The following CHODL variants were observed in gnomAD, a reference collection of about 807,000 sequenced individuals.
CHODL encodes chondrolectin.
CHODL carries 29 observed loss-of-function variants against 34.5 expected under a neutral mutation model. The observed-to-expected ratio is 0.84, with a 90% CI of 0.63 to 1.15. The LOEUF is 1.15. CHODL is among the 50% of genes most tolerant of loss of function. The probability of loss-of-function intolerance (pLI) is 0.00; values close to 1 mark genes in which losing one functional copy is unlikely to be tolerated. For synonymous variants in CHODL, 125 were observed against 116.1 expected (o/e 1.08, Z -0.49); for missense variants, 332 against 332.5 (o/e 1.00, Z 0.01).
chr21:18,101,714 ATTT>A (rs71848643), intron 2 of CHODL, among the ~76,000 whole-genome samples: 83 of 144,822 alleles, frequency 5.7e-4, no homozygotes, highest in Non-Finnish European at 5.6e-4. Flanking sequence ...CATTTACAAC[ATTT>A]TTTTTTTTTT....
At chr21:17,983,029 C>T (rs1365453037) in intron 1 of CHODL, among the ~76,000 whole-genome samples, 2 of 152,130 alleles carry the variant, frequency 1.3e-5, no homozygotes, top group African/African-American at 2.4e-5. Context: ...TCATCGCCTA[C>T]ATATGTAGTG....
intron 2 of CHODL, among the ~76,000 whole-genome samples, chr21:18,112,394 G>C (rs992219401): frequency 2.6e-5 from 4 of 151,294 alleles, no homozygotes; most frequent in Non-Finnish European, 5.9e-5. Context: ...TGACATTCTT[G>C]ACAAAAATTG....
Position 17,994,227 on chromosome 21 carries a change from G to T in CHODL, c.-144-33645G>T, listed in dbSNP as rs1199288143. 2.6e-5 allele frequency among the ~76,000 whole-genome samples: 4 copies of T among 152,288 alleles called. No individual in the cohort carries two copies. The East Asian group carries it at 7.7e-4, about 29-fold the overall frequency. ...TTATTTGAAATCTTGGGCTCTGGCA[G>T]TGTTAGTTCTGTGTGAACCAGTCCT... On this transcript the variant is annotated intron_variant, in intron 1 of 6. Coordinates refer to the CHODL transcript ENST00000400127.
At chr21:18,189,195 T>C (rs1426245399) in intron 2 of CHODL, among the ~76,000 whole-genome samples, 1 of 152,236 alleles carries the variant, frequency 6.6e-6, no homozygotes, top group Non-Finnish European at 1.5e-5. Context: ...CACACATGAC[T>C]AACTTTCATT....
In CHODL at chr21:18,245,185, C is replaced by T; in HGVS notation, c.-39C>T. Reference sequence around the variant, plus strand: ...GGCTGCGCCCTGGGCAGAGGCCGCCCTCGCTCCACGCAACACCTGCTGCTG... The same window carrying T: ...GGCTGCGCCCTGGGCAGAGGCCGCCTTCGCTCCACGCAACACCTGCTGCTG... On this transcript the variant is annotated 5_prime_UTR_variant, in exon 1 of 6. Coordinates refer to ENST00000299295, the MANE Select transcript of CHODL (RefSeq NM_024944.3). 4 of 1,499,248 alleles carry T rather than the reference C, an allele frequency of 2.7e-6. No homozygotes were observed. In the South Asian group the frequency reaches 3.7e-5, roughly 14 times the overall value. The allele number at this position is 1,499,248 out of a possible 1,614,324, so 92.9% of individuals were successfully genotyped here.
chr21:18,152,810 G>T (rs546304873), intron 2 of CHODL, among the ~76,000 whole-genome samples: 9 of 152,154 alleles, frequency 5.9e-5, no homozygotes, highest in Non-Finnish European at 1.3e-4. Flanking sequence ...TTAGAATTCT[G>T]CCCACTATAT....
chr21:18,215,049 A>C (rs895146167), intron 2 of CHODL, among the ~76,000 whole-genome samples: 6 of 152,104 alleles, frequency 3.9e-5, no homozygotes, highest in Non-Finnish European at 8.8e-5. Context: ...AGAAAAATTA[A>C]ATAAATAATT....
chr21:18,231,359 A>G (rs2073977080), intron 2 of CHODL, among the ~76,000 whole-genome samples: 1 of 152,094 alleles, frequency 6.6e-6, no homozygotes, highest in African/African-American at 2.4e-5. Context: ...AATTATTTCC[A>G]TGATTGCCAG....
At chr21:18,108,476 C>A (rs1001114649) in intron 2 of CHODL, among the ~76,000 whole-genome samples, 1 of 152,136 alleles carries the variant, frequency 6.6e-6, no homozygotes, top group African/African-American at 2.4e-5. Context: ...TATTCTTAGC[C>A]ATTTTGGGCT....
chr21:18,034,401 A>T (rs1260078494), intron 2 of CHODL: 1 of 152,016 alleles, frequency 6.6e-6, no homozygotes, highest in African/African-American at 2.4e-5. Context: ...CCTGTCAGGC[A>T]GCAGGGCTTG....
rs2063316737 is a variant in CHODL at position 17,936,079 on chromosome 21, A to G, written c.-145+18679A>G. On this transcript the variant is annotated intron_variant, in intron 1 of 6. Coordinates refer to the CHODL transcript ENST00000400127. The stretch of plus-strand genomic sequence containing the variant: ...GAGTCTTCTGACAACTCATTATCAT[A>G]TCGTAGAAATAGAACTTTCTTATTG... 1.3e-5 allele frequency among the ~76,000 whole-genome samples: 2 copies of G among 152,082 alleles called. 1 individual carries two copies. The highest frequency in any genetic ancestry group is 4.1e-4 in the South Asian group (2 of 4,826).
chr21:17,988,293 G>C (rs528667738), intron 1 of CHODL, among the ~76,000 whole-genome samples: 1 of 151,790 alleles, frequency 6.6e-6, no homozygotes, highest in East Asian at 1.9e-4. Context: ...GATTGCACAG[G>C]CTTCAAGTTT....
intron 2 of CHODL, among the ~76,000 whole-genome samples, chr21:18,119,775 T>C (rs1037165859): frequency 2.0e-5 from 3 of 152,178 alleles, no homozygotes; most frequent in African/African-American, 7.2e-5. Flanking sequence ...TGTAAAATTA[T>C]ATATGAGCAT....
At chr21:18,035,023 C>A (rs974154886) in intron 2 of CHODL, among the ~76,000 whole-genome samples, 1 of 151,988 alleles carries the variant, frequency 6.6e-6, no homozygotes, top group African/African-American at 2.4e-5. Context: ...AGATGGATTG[C>A]AGAGAACCTT....
chr21:18,174,152 T>TATATATATATATATATATATAA (rs1568923201), intron 2 of CHODL, among the ~76,000 whole-genome samples: 14 of 125,828 alleles, frequency 1.1e-4, no homozygotes, highest in African/African-American at 4.2e-4. Flanking sequence ...TATATATATA[T>TATATATATATATATATATATAA]ATATATATAA....
At chr21:18,076,963 AGTT>A (rs1439056749) in intron 2 of CHODL, among the ~76,000 whole-genome samples, 1 of 152,150 alleles carries the variant, frequency 6.6e-6, no homozygotes, top group Non-Finnish European at 1.5e-5. Context: ...GACCACCTAA[AGTT>A]GTGGGATTAG....
intron 1 of CHODL, among the ~76,000 whole-genome samples, chr21:17,941,349 C>T (rs919528995): frequency 1.5e-5 from 2 of 134,022 alleles, no homozygotes; most frequent in Non-Finnish European, 3.1e-5. Context: ...GAGAGTCACA[C>T]AGCAATAATA....
In CHODL at chr21:17,955,876, T is replaced by C. The variant is rs771321171; in HGVS notation, c.-145+38476T>C. 6.6e-5 allele frequency among the ~76,000 whole-genome samples: 9 copies of C among 136,968 alleles called. 1 individual carries two copies. The highest frequency in any genetic ancestry group is 1.0e-4 in the Non-Finnish European group (6 of 60,272). The allele number at this position is 136,968 out of a possible 152,430, so 89.9% of individuals were successfully genotyped here. A position where few individuals can be genotyped will look rare whatever the true frequency, so the allele number is the denominator to read the frequency against. On this transcript the variant is annotated intron_variant, in intron 1 of 6. Transcript: ENST00000400127. ...TTTATTTGTCAATAATTTGTGAGGC[T>C]GTTTTGAGGATTAAACAAGGATGTC...
chr21:18,206,557 A>G (rs2073713712), intron 2 of CHODL, among the ~76,000 whole-genome samples: 1 of 147,754 alleles, frequency 6.8e-6, no homozygotes, highest in Non-Finnish European at 1.5e-5. Flanking sequence ...CTTTTAGGGA[A>G]CAGATTGTTG....
Sources: gnomAD v4.1 joint callset for allele counts (sites outside exome capture counted in the v4.1 genomes callset) on GRCh38, gnomAD v4.1.1 for gene constraint, MANE v1.5 for transcripts, NCBI Gene and HGNC (gene_info 2026-07-23, HGNC 2026-07-21) for gene names.